The following LEMD3 variants were observed in gnomAD, a reference collection of about 807,000 sequenced individuals.
The protein encoded by LEMD3 is inner nuclear membrane protein Man1.
A neutral mutation model predicts 95.2 loss-of-function variants in LEMD3; 33 were observed. The observed-to-expected ratio is 0.35, with a 90% CI of 0.26 to 0.46. LEMD3 has a LOEUF of 0.46. Ranked by LOEUF, LEMD3 falls within the 20% of genes least tolerant of loss-of-function variation. The pLI is 1.00. For missense variants in LEMD3, 1,210 were observed against 1,192.8 expected, an observed-to-expected ratio of 1.01 and a Z score of -0.21; for synonymous variants, 525 against 474.6, an observed-to-expected ratio of 1.11 and a Z score of -1.38.
intron 1 of LEMD3, among the ~76,000 whole-genome samples, chr12:65,186,631 CT>C (rs36112519): frequency 0.12 from 9,625 of 80,202 alleles, 324 homozygotes; most frequent in East Asian, 0.22. Context: ...GTTTAGATTG[CT>C]TTTTTTTTTT....
chr12:65,203,705 G>T (rs1869674876), intron 1 of LEMD3, among the ~76,000 whole-genome samples: 1 of 152,044 alleles, frequency 6.6e-6, no homozygotes, highest in Non-Finnish European at 1.5e-5. Flanking sequence ...CTGCCTGCTG[G>T]ATCTGACCAT....
intron 4 of LEMD3, among the ~76,000 whole-genome samples, chr12:65,222,597 C>T (rs1050210684): frequency 6.6e-6 from 1 of 151,794 alleles, no homozygotes; most frequent in African/African-American, 2.4e-5. Context: ...TTGATCTTTT[C>T]AAAAAATCAA....
intron 4 of LEMD3, among the ~76,000 whole-genome samples, chr12:65,236,548 C>G (rs1385518953): frequency 1.4e-5 from 1 of 73,832 alleles, no homozygotes. Context: ...AAGACTCTGT[C>G]TCAAAAAAAA....
intron 1 of LEMD3, among the ~76,000 whole-genome samples, chr12:65,208,864 T>A (rs1294824864): frequency 6.6e-6 from 1 of 152,092 alleles, no homozygotes; most frequent in East Asian, 1.9e-4. Context: ...ACTCCAGGTA[T>A]TTTAGACTAC....
chr12:65,170,702 C>A lies in LEMD3; in HGVS notation c.1106C>A (p.Pro369His). Residue 369 changes from proline (P) to histidine (H), a missense_variant, in exon 1 of 13, where the codon CCC (proline) becomes CAC (histidine). Physicochemically the swap from Pro to His is moderately conservative, Grantham distance 77 (BLOSUM62 -2). Transcript: ENST00000308330. ...VNAKKLTPLL[P>H]PPLTDMDSTL... ...GCTAAGAAACTGACCCCTCTCCTGC[C>A]CCCGCCACTTACTGACATGGACTCA... 1 of 1,614,210 alleles carries A rather than the reference C, an allele frequency of 6.2e-7. No individual in the cohort carries two copies. Among genetic ancestry groups the A allele is most frequent in the South Asian group, 1.1e-5 (1 of 91,086 alleles).
At chr12:65,174,933 A>G (rs1868669060) in intron 1 of LEMD3, among the ~76,000 whole-genome samples, 1 of 152,176 alleles carries the variant, frequency 6.6e-6, no homozygotes, top group Non-Finnish European at 1.5e-5. Flanking sequence ...TCTCTGAGGA[A>G]GGATGTTTGA....
chr12:65,174,293 T>C (rs987990715), intron 1 of LEMD3, among the ~76,000 whole-genome samples: 4 of 152,180 alleles, frequency 2.6e-5, no homozygotes, highest in Non-Finnish European at 4.4e-5. Context: ...CTAAGCTCTT[T>C]CCAGCTCCAA....
At chr12:65,185,428 T>G (rs935560050) in intron 1 of LEMD3, among the ~76,000 whole-genome samples, 1 of 152,144 alleles carries the variant, frequency 6.6e-6, no homozygotes, top group African/African-American at 2.4e-5. Flanking sequence ...TTATAAAGTT[T>G]GTCTGAAGAC....
In LEMD3 at chr12:65,245,691, T is replaced by A; in HGVS notation, c.2410T>A (p.Leu804Met). The A allele has an allele frequency of 6.2e-7, 1 of 1,613,688 alleles. No individual in the cohort carries two copies. Among genetic ancestry groups the A allele is most frequent in the Non-Finnish European group, 8.5e-7 (1 of 1,179,644 alleles). ...PVMEIGDQWH[L>M]AIQEAILEKC... The stretch of plus-strand genomic sequence containing the variant: ...TAGGGAAATAGGGGATCAGTGGCAT[T>A]TGGCAATTCAAGAAGCAATTTTAGA... Residue 804 changes from leucine (L) to methionine (M), a missense_variant, in exon 11 of 13, where the codon TTG becomes ATG. By Grantham distance (15) the Leu-to-Met change is conservative. Transcript: ENST00000308330.
intron 1 of LEMD3, chr12:65,171,750 T>G (rs1045632055): frequency 1.9e-5 from 3 of 155,134 alleles, no homozygotes; most frequent in African/African-American, 7.2e-5. Flanking sequence ...GCAGTCAGAT[T>G]TCCTTGGATT....
At chr12:65,205,906 A>G (rs1361501163) in intron 1 of LEMD3, among the ~76,000 whole-genome samples, 1 of 152,152 alleles carries the variant, frequency 6.6e-6, no homozygotes, top group Non-Finnish European at 1.5e-5. Context: ...TAATTTGTTA[A>G]GTATACATCA....
intron 3 of LEMD3, among the ~76,000 whole-genome samples, chr12:65,216,375 G>T (rs1037842854): frequency 5.3e-5 from 8 of 151,882 alleles, no homozygotes; most frequent in African/African-American, 1.9e-4. Flanking sequence ...TAAAATCTTG[G>T]ATTAAATATA....
At chr12:65,233,132 A>G (rs1189076651) in intron 4 of LEMD3, among the ~76,000 whole-genome samples, 1 of 152,172 alleles carries the variant, frequency 6.6e-6, no homozygotes, top group South Asian at 2.1e-4. Flanking sequence ...CCCATTTCAT[A>G]AAGAAACTAA....
intron 8 of LEMD3, 69 bp downstream of exon 8, chr12:65,240,307 A>G (rs1446626388): frequency 6.0e-6 from 7 of 1,163,664 alleles, no homozygotes; most frequent in South Asian, 3.7e-5. Context: ...ATTGAAAATT[A>G]TATTGAGAGC....
chr12:65,180,131 A>G (rs1403088440), intron 1 of LEMD3, among the ~76,000 whole-genome samples: 1 of 151,900 alleles, frequency 6.6e-6, no homozygotes, highest in Non-Finnish European at 1.5e-5. Flanking sequence ...TTTTTAGTAG[A>G]GATGAGGTTT....
chr12:65,205,722 C>A lies in LEMD3; in HGVS notation c.1523-5204C>A, dbSNP rs193125871. 3.7e-3 allele frequency among the ~76,000 whole-genome samples: 565 copies of A among 152,168 alleles called. 3 individuals carry two copies. The highest frequency in any genetic ancestry group is 0.013 in the African/African-American group (541 of 41,536). On this transcript the variant is annotated intron_variant, in intron 1 of 12. Transcript: ENST00000308330. ...CTTCTCTTTAACTGATTATCCCCAT[C>A]TAGGTTTGTATCTCGAAATTCAGAT...
Position 65,170,242 on chromosome 12 carries a change from G to C in LEMD3, c.646G>C (p.Ala216Pro). 6.5e-7 allele frequency: 1 copy of C among 1,542,196 alleles called. No individual in the cohort carries two copies. Among genetic ancestry groups the C allele is most frequent in the Non-Finnish European group, 8.8e-7 (1 of 1,142,312 alleles). Residue 216 changes from alanine to proline, a missense_variant, in exon 1 of 13, where the codon GCA (alanine) becomes CCA (proline). Coordinates refer to ENST00000308330, the MANE Select transcript of LEMD3 (RefSeq NM_014319.5). ...GCAGACCCCGCCGGGGAAAGATGGA[G>C]CAGTGGAGGACGAGGAAGGGGAGGG... is the stretch of plus-strand genomic sequence containing the variant. ...ELQTPPGKDG[A>P]VEDEEGEGED...
chr12:65,179,647 T>C (rs890846998), intron 1 of LEMD3, among the ~76,000 whole-genome samples: 1 of 152,112 alleles, frequency 6.6e-6, no homozygotes, highest in Non-Finnish European at 1.5e-5. Flanking sequence ...TCAGGAAAAA[T>C]AGCTAATGCA....
At chr12:65,225,756 A>G (rs1265510821) in intron 4 of LEMD3, among the ~76,000 whole-genome samples, 1 of 152,022 alleles carries the variant, frequency 6.6e-6, no homozygotes, top group South Asian at 2.1e-4. Context: ...AATTTTTTGT[A>G]TTTTTAGGAG....
Sources: allele counts gnomAD v4.1 joint callset (sites outside exome capture counted in the v4.1 genomes callset), GRCh38; gene constraint gnomAD v4.1.1; transcripts MANE v1.5; gene names NCBI Gene and HGNC (gene_info 2026-07-23, HGNC 2026-07-21).